The following SLC8A2 variants were observed in gnomAD, a reference collection of about 807,000 sequenced individuals.
The protein encoded by SLC8A2 is sodium/calcium exchanger 2.
In SLC8A2, 14 loss-of-function variants were observed where a neutral mutation model predicts 70.2. The ratio of observed to expected loss-of-function variants is 0.20; its 90% confidence interval spans 0.13 to 0.31. The LOEUF (loss-of-function observed/expected upper bound fraction) is 0.31. Among genes scored for constraint, SLC8A2 ranks in the 10% least tolerant of loss-of-function variants. SLC8A2 has a pLI of 1.00. For synonymous variants in SLC8A2, 575 were observed against 594.3 expected, an observed-to-expected ratio of 0.97 and a Z score of 0.47; for missense variants, 779 against 1,320.1, an observed-to-expected ratio of 0.59 and a Z score of 6.35.
chr19:47,457,775 CTT>C (rs774223167), intron 2 of SLC8A2, among the ~76,000 whole-genome samples, 181 bp from the exon 3 acceptor site: 2 of 141,948 alleles, frequency 1.4e-5, no homozygotes, highest in Non-Finnish European at 3.0e-5. Flanking sequence ...TCCTTTCTTT[CTT>C]TTTCTTTTCT....
In SLC8A2 at chr19:47,448,428, A is replaced by G. The variant is rs147115893; in HGVS notation, c.1341-197T>C. On this transcript the variant is annotated intron_variant, in intron 3 of 9. Coordinates refer to ENST00000236877, the MANE Select transcript of SLC8A2 (RefSeq NM_015063.3). The surrounding 1 kb of genome is among the most constrained non-coding windows in gnomAD (Gnocchi z 4.8). ...GGGCGTCCTGGAGGAAGGGCTGCAG[A>G]GCGGGAACAAGACAGAGTGGGCCCC... 7.0e-4 allele frequency among the ~76,000 whole-genome samples: 107 copies of G among 152,246 alleles called. No homozygotes were observed. The highest frequency in any genetic ancestry group is 2.5e-3 in the African/African-American group (104 of 41,552).
At chr19:47,435,512 C>G (rs1380912847) in intron 8 of SLC8A2, among the ~76,000 whole-genome samples, 1 of 151,770 alleles carries the variant, frequency 6.6e-6, no homozygotes, top group Non-Finnish European at 1.5e-5. Flanking sequence ...CTCAAAGGAG[C>G]CTCTGCAGGG....
At position 47,468,629 on chromosome 19, in the gene SLC8A2, T is replaced by C. The variant is rs890441015; in HGVS notation, c.-16-2210A>G. 6.6e-6 allele frequency among the ~76,000 whole-genome samples: 1 copy of C among 152,158 alleles called. No homozygotes were observed. ...TCCGCTAGCCTTGCTCTCTCTGCCC[T>C]TTCAGGTTTCCACTCTGATGTCAGC... is the stretch of plus-strand genomic sequence containing the variant. On this transcript the variant is annotated intron_variant, in intron 1 of 9. Coordinates refer to ENST00000236877, the MANE Select transcript of SLC8A2 (RefSeq NM_015063.3). The surrounding 1 kb of genome is among the most constrained non-coding windows in gnomAD (Gnocchi z 5.1).
intron 3 of SLC8A2, among the ~76,000 whole-genome samples, chr19:47,450,254 G>T (rs1967218746): frequency 6.6e-6 from 1 of 152,152 alleles, no homozygotes; most frequent in African/African-American, 2.4e-5. Context: ...CGGGCGCGGT[G>T]GCTCACGCCT....
chr19:47,452,441 AGAGAGTGTGTGTGTGTGTGT>A (rs1231497401), intron 3 of SLC8A2, among the ~76,000 whole-genome samples: 1 of 65,168 alleles, frequency 1.5e-5, no homozygotes, highest in Non-Finnish European at 2.9e-5. Context: ...AGAGAGAGAG[AGAGAGTGTGTGTGTGTGTGT>A]GTGTGTGTGT....
chr19:47,437,572 G>C lies in SLC8A2; in HGVS notation c.2011-11C>G, dbSNP rs760113073. 3 of 1,598,222 alleles carry C rather than the reference G, an allele frequency of 1.9e-6. No individual in the cohort carries two copies. The highest frequency in any genetic ancestry group is 2.6e-6 in the Non-Finnish European group (3 of 1,165,528). On this transcript the variant is annotated splice_polypyrimidine_tract_variant and intron_variant, in intron 7 of 9. Transcript: ENST00000236877. ...TTTATCCACCGTGTTCTGGGGATGA[G>C]AGGGTGGGGGAGAGGTCACTGCCCC...
At position 47,457,255 on chromosome 19, in the gene SLC8A2, T is replaced by C; in HGVS notation, c.1015A>G (p.Asn339Asp). Residue 339 changes from asparagine to aspartate, a missense_variant, in exon 3 of 10, where the codon AAC becomes GAC. Physicochemically the swap from Asn to Asp is conservative, Grantham distance 23 (BLOSUM62 1). Transcript: ENST00000236877. ...KDLEQLVGIA[N>D]YYALLHQQKS... ...TGCTGGTGCAGCAGCGCGTAGTAGT[T>C]GGCGATGCCCACCAGCTGCTCCAGA... The C allele has an allele frequency of 1.3e-6, 2 of 1,547,174 alleles. No homozygotes were observed. The highest frequency in any genetic ancestry group is 1.7e-6 in the Non-Finnish European group (2 of 1,145,716).
At chr19:47,438,959 G>A (rs1967065267) in intron 6 of SLC8A2, among the ~76,000 whole-genome samples, 1 of 152,080 alleles carries the variant, frequency 6.6e-6, no homozygotes, top group African/African-American at 2.4e-5. Flanking sequence ...TCTCCTTCCT[G>A]GGCAAAGAGC....
At position 47,448,434 on chromosome 19, in the gene SLC8A2, A is replaced by C. The variant is rs901951795; in HGVS notation, c.1341-203T>G. Among the ~76,000 whole-genome samples the C allele has an allele frequency of 6.6e-6, 1 of 152,098 alleles. No individual in the cohort carries two copies. The highest frequency in any genetic ancestry group is 1.5e-5 in the Non-Finnish European group (1 of 68,020). On this transcript the variant is annotated intron_variant, in intron 3 of 9. Transcript: ENST00000236877. The surrounding 1 kb of genome is among the most constrained non-coding windows in gnomAD (Gnocchi z 4.8). ...CCTGGAGGAAGGGCTGCAGAGCGGG[A>C]ACAAGACAGAGTGGGCCCCTCCCCG...
rs1181503501 is a variant in SLC8A2 at position 47,466,510 on chromosome 19, G to A, written c.-16-91C>T. ...AGCTCACTGGGGAAGGAGGGTTGGGGGAGAAGCTGAGGACCAATGCAGGCA... is the reference window on the plus strand; with the variant it reads ...AGCTCACTGGGGAAGGAGGGTTGGGAGAGAAGCTGAGGACCAATGCAGGCA... On this transcript the variant is annotated intron_variant, in intron 1 of 9. Coordinates refer to ENST00000236877, the MANE Select transcript of SLC8A2 (RefSeq NM_015063.3). This position sits in a 1 kb window ranked among gnomAD's most constrained non-coding sequence, Gnocchi z 6.9. 3.4e-6 allele frequency: 2 copies of A among 587,916 alleles called. No individual in the cohort carries two copies. The highest frequency in any genetic ancestry group is 6.0e-6 in the Non-Finnish European group (2 of 333,488). 36.4% of individuals were successfully genotyped at this position (587,916 alleles called of 1,614,324 possible).
In SLC8A2 at chr19:47,430,153, C is replaced by A. The variant is rs1326345793; in HGVS notation, c.2702G>T (p.Gly901Val). The A allele has an allele frequency of 6.3e-7, 1 of 1,596,192 alleles. No individual in the cohort carries two copies. Among genetic ancestry groups the A allele is most frequent in the Admixed American group, 1.7e-5 (1 of 57,426 alleles). The change falls in exon 10 of 10, where the codon GGC (glycine) becomes GTC (valine). Residue 901 changes from glycine (G) to valine (V), a missense_variant. Physicochemically the swap from Gly to Val is moderately radical, Grantham distance 109. Transcript: ENST00000236877. The surrounding 1 kb of genome is among the most constrained non-coding windows in gnomAD (Gnocchi z 5.9). ...PKLATTALFL[G>V]LWLLYILFAS... is the part of the protein sequence containing the mutation. ...GAAGAGGATGTACAGGAGCCAGAGG[C>A]CCAGGAAGAGCGCGGTGGTGGCGAG...
In SLC8A2 at chr19:47,437,934, G is replaced by GCCT; in HGVS notation, c.1922_1924dup (p.Glu641dup). Reference sequence around the variant, plus strand: ...CTTGCCCATCTCTGCTATCCTCCGAGCCTCCTCCTCCTCGGCTGTTAGCTT... The same window carrying GCCT: ...CTTGCCCATCTCTGCTATCCTCCGAGCCTCCTCCTCCTCCTCGGCTGTTAGCTT... On this transcript the variant is annotated inframe_insertion, in exon 7 of 10. Coordinates refer to ENST00000236877, the MANE Select transcript of SLC8A2 (RefSeq NM_015063.3). 2 of 1,614,008 alleles carry GCCT rather than the reference G, an allele frequency of 1.2e-6. No individual in the cohort carries two copies. The highest frequency in any genetic ancestry group is 8.5e-7 in the Non-Finnish European group (1 of 1,179,978).
intron 6 of SLC8A2, among the ~76,000 whole-genome samples, chr19:47,438,212 G>A (rs551602363): frequency 1.2e-4 from 18 of 152,226 alleles, no homozygotes; most frequent in African/African-American, 4.1e-4. Context: ...GGTGGAGGCT[G>A]TGAGACTTTA....
chr19:47,431,152 C>A (rs979085607), intron 9 of SLC8A2, among the ~76,000 whole-genome samples: 1 of 151,992 alleles, frequency 6.6e-6, no homozygotes, highest in African/African-American at 2.4e-5. Context: ...CCTCAGCCTC[C>A]CGAGCAGCTG....
At chr19:47,449,889 A>T (rs1243596654) in intron 3 of SLC8A2, among the ~76,000 whole-genome samples, 1 of 152,108 alleles carries the variant, frequency 6.6e-6, no homozygotes, top group Non-Finnish European at 1.5e-5. Flanking sequence ...AGCCCTGTGA[A>T]GCTTCGTTCC....
rs1011219217 is a variant in SLC8A2, at chr19:47,441,190, G to A, written c.1868-4C>T. ...TCACCTTGATTGAGTAGCAGAGCTG[G>A]GGAGAGACAGAGACAGGCAGACAGT... On this transcript the variant is annotated splice_region_variant and splice_polypyrimidine_tract_variant and intron_variant, in intron 5 of 9. Transcript: ENST00000236877. 5 of 1,613,986 alleles carry A rather than the reference G, an allele frequency of 3.1e-6. No individual in the cohort carries two copies. The highest frequency in any genetic ancestry group is 1.6e-4 in the Middle Eastern group (1 of 6,062).
At chr19:47,454,560 G>C (rs1162433361) in intron 3 of SLC8A2, among the ~76,000 whole-genome samples, 4 of 152,156 alleles carry the variant, frequency 2.6e-5, no homozygotes, top group Non-Finnish European at 5.9e-5. Flanking sequence ...GCTGAGGTGG[G>C]AGGATCAGTT....
intron 1 of SLC8A2, among the ~76,000 whole-genome samples, chr19:47,470,403 C>G (rs1452546406): frequency 6.6e-6 from 1 of 151,206 alleles, no homozygotes; most frequent in Non-Finnish European, 1.5e-5. Context: ...GCTACAGGCA[C>G]AGCCTCGTAC....
In SLC8A2 at chr19:47,441,327, C is replaced by T; in HGVS notation, c.1867+10G>A. 2.5e-6 allele frequency: 4 copies of T among 1,605,036 alleles called. No homozygotes were observed. The highest frequency in any genetic ancestry group is 3.4e-6 in the Non-Finnish European group (4 of 1,171,788). On this transcript the variant is annotated intron_variant, in intron 5 of 9. Coordinates refer to ENST00000236877, the MANE Select transcript of SLC8A2 (RefSeq NM_015063.3). ...CTTACTTCTCCCACAGCCCACTGGT[C>T]ACCCCTCACCTGAAATCCCTCGCTT...
Sources: gnomAD v4.1 joint callset for allele counts (sites outside exome capture counted in the v4.1 genomes callset) on GRCh38, gnomAD v4.1.1 for gene constraint, Gnocchi (gnomAD v3.1) non-coding constraint, MANE v1.5 for transcripts, NCBI Gene and HGNC (gene_info 2026-07-23, HGNC 2026-07-21) for gene names.